The following EPB41L3 variants were observed in gnomAD, a reference collection of about 807,000 sequenced individuals.
EPB41L3 encodes the protein erythrocyte membrane protein band 4.1 like 3, also known as band 4.1-like protein 3.
A neutral mutation model predicts 127.1 loss-of-function variants in EPB41L3; 57 were observed. That is an observed-to-expected ratio of 0.45 (90% CI 0.36 to 0.56). EPB41L3 has a LOEUF of 0.56. EPB41L3 is among the 20% of genes least tolerant of loss of function. The probability of loss-of-function intolerance (pLI) is 0.00; values close to 1 mark genes in which losing one functional copy is unlikely to be tolerated. For synonymous variants in EPB41L3, 572 were observed against 549.5 expected (o/e 1.04, Z -0.57); for missense variants, 1,273 against 1,372.2 (o/e 0.93, Z 1.14).
chr18:5,607,356 CT>C (rs1422911992), intron 3 of EPB41L3, among the ~76,000 whole-genome samples: 1 of 152,202 alleles, frequency 6.6e-6, no homozygotes, highest in African/African-American at 2.4e-5. Context: ...CTCATTCTGG[CT>C]GAGCCCTTCC....
At chr18:5,527,383 C>T (rs2093262721) in intron 1 of EPB41L3, among the ~76,000 whole-genome samples, 1 of 152,100 alleles carries the variant, frequency 6.6e-6, no homozygotes. Flanking sequence ...AAAACCATAC[C>T]TGCTAAATAA....
chr18:5,546,802 T>C (rs1262203798), upstream of EPB41L3, among the ~76,000 whole-genome samples: 1 of 152,310 alleles, frequency 6.6e-6, no homozygotes, highest in African/African-American at 2.4e-5. Context: ...TAGCGATCTC[T>C]TCATTCTTTC....
At chr18:5,585,640 T>C (rs1241978887) in intron 3 of EPB41L3, among the ~76,000 whole-genome samples, 1 of 152,192 alleles carries the variant, frequency 6.6e-6, no homozygotes, top group East Asian at 1.9e-4. Context: ...AAAATTCTAT[T>C]ATGCTTATTT....
intron 13 of EPB41L3, among the ~76,000 whole-genome samples, chr18:5,411,166 T>C (rs1285296196): frequency 6.6e-6 from 1 of 152,218 alleles, no homozygotes; most frequent in Admixed American, 6.5e-5. Flanking sequence ...CTGTCAATTA[T>C]AAAAGGCACA....
chr18:5,509,757 T>G (rs2092419985), intron 1 of EPB41L3, among the ~76,000 whole-genome samples: 1 of 152,244 alleles, frequency 6.6e-6, no homozygotes, highest in African/African-American at 2.4e-5. Flanking sequence ...AATCTATCAT[T>G]CAGTAGTATG....
rs144322253 is a variant in EPB41L3, at chr18:5,553,986, C to T, written c.-306+58354G>A. On this transcript the variant is annotated intron_variant, in intron 3 of 21. Coordinates refer to the EPB41L3 transcript ENST00000545076. ...CTGTGCTTGCTGTTCCTCACACAAC[C>T]AGGTGCACTCTCACCGTCAGCTTTG... 4.1e-3 allele frequency among the ~76,000 whole-genome samples: 632 copies of T among 152,314 alleles called. 3 individuals are homozygous for T. Among genetic ancestry groups the T allele is most frequent in the African/African-American group, 0.015 (607 of 41,560 alleles).
Position 5,516,115 on chromosome 18 carries a change from C to T in EPB41L3, c.-11-26921G>A, listed in dbSNP as rs1008911495. Reference sequence around the variant, plus strand: ...AACAAAAGCCCAGGTGCCGCAGATGCCCTTGATCCAAGCACCACATCCAGA... The same window carrying T: ...AACAAAAGCCCAGGTGCCGCAGATGTCCTTGATCCAAGCACCACATCCAGA... On this transcript the variant is annotated intron_variant, in intron 1 of 22. Transcript: ENST00000341928. Among the ~76,000 whole-genome samples the T allele has an allele frequency of 8.5e-5, 13 of 152,200 alleles. 1 individual carries two copies. The highest frequency in any genetic ancestry group is 3.1e-4 in the African/African-American group (13 of 41,454).
intron 3 of EPB41L3, among the ~76,000 whole-genome samples, chr18:5,549,763 T>C (rs956357394): frequency 3.9e-5 from 6 of 152,104 alleles, no homozygotes; most frequent in African/African-American, 1.4e-4. Context: ...TTGAGAACCA[T>C]TGATCTAGGC....
At chr18:5,559,597 A>G (rs1256501225) in intron 3 of EPB41L3, among the ~76,000 whole-genome samples, 1 of 152,248 alleles carries the variant, frequency 6.6e-6, no homozygotes, top group Non-Finnish European at 1.5e-5. Context: ...CAGTCTTTCT[A>G]AACGAAAATA....
At chr18:5,579,406 A>G (rs1042339860) in intron 3 of EPB41L3, among the ~76,000 whole-genome samples, 3 of 152,224 alleles carry the variant, frequency 2.0e-5, no homozygotes, top group African/African-American at 7.2e-5. Context: ...CTAATAGATA[A>G]GTAAAGAGGA....
chr18:5,559,349 G>GGAGA (rs1389375693), intron 3 of EPB41L3, among the ~76,000 whole-genome samples: 2 of 152,046 alleles, frequency 1.3e-5, no homozygotes, highest in African/African-American at 4.8e-5. Flanking sequence ...AAAGACAAAG[G>GGAGA]GAGAAGTCCT....
At chr18:5,464,338 A>G (rs2084580790) in intron 3 of EPB41L3, among the ~76,000 whole-genome samples, 1 of 152,126 alleles carries the variant, frequency 6.6e-6, no homozygotes, top group Non-Finnish European at 1.5e-5. Flanking sequence ...AATCTGAACC[A>G]CCACTGAGGA....
chr18:5,467,830 T>C (rs1392699487), intron 3 of EPB41L3, among the ~76,000 whole-genome samples: 1 of 152,050 alleles, frequency 6.6e-6, no homozygotes, highest in Non-Finnish European at 1.5e-5. Flanking sequence ...ACACCAGCTG[T>C]AGCAGGGGAG....
At chr18:5,433,798 G>A (rs990368320) in intron 7 of EPB41L3, 105 bp downstream of exon 7, 19 of 1,267,072 alleles carry the variant, frequency 1.5e-5, no homozygotes, top group Admixed American at 6.9e-5. Flanking sequence ...CTATGCTCAC[G>A]TCTCGCCGTT....
At position 5,623,972 on chromosome 18, in the gene EPB41L3, A is replaced by C. The variant is rs560117175; in HGVS notation, c.-468+4950T>G. 2.6e-5 allele frequency among the ~76,000 whole-genome samples: 4 copies of C among 152,154 alleles called. No individual in the cohort carries two copies. The South Asian group carries it at 8.3e-4, about 32-fold the overall frequency. ...TTTTTAATAAAAAAAAATGTATGAGACCATAAGAAATTGAATCTTCTAAAA... is the reference window on the plus strand; with the variant it reads ...TTTTTAATAAAAAAAAATGTATGAGCCCATAAGAAATTGAATCTTCTAAAA... On this transcript the variant is annotated intron_variant, in intron 1 of 21. Coordinates refer to the EPB41L3 transcript ENST00000545076.
intron 1 of EPB41L3, among the ~76,000 whole-genome samples, chr18:5,505,272 C>T (rs1041127584): frequency 2.0e-5 from 3 of 152,136 alleles, no homozygotes; most frequent in Non-Finnish European, 2.9e-5. Context: ...TCCATCCTCC[C>T]AGAGTCTGAC....
At chr18:5,597,882 G>A (rs2094552041) in intron 3 of EPB41L3, among the ~76,000 whole-genome samples, 1 of 152,142 alleles carries the variant, frequency 6.6e-6, no homozygotes, top group South Asian at 2.1e-4. Context: ...AGTAGCACCA[G>A]CCATGGAAAC....
chr18:5,531,725 C>T (rs1259435380), intron 1 of EPB41L3, among the ~76,000 whole-genome samples: 6 of 123,898 alleles, frequency 4.8e-5, no homozygotes, highest in Non-Finnish European at 8.3e-5. Flanking sequence ...GAACAAGACC[C>T]TGTCTCAAAA....
upstream of EPB41L3, chr18:5,544,102 C>A: frequency 3.0e-6 from 3 of 985,736 alleles, no homozygotes; most frequent in Non-Finnish European, 2.4e-6. Flanking sequence ...GGGGCCCACG[C>A]CCAGAGACCG....
Sources: allele counts gnomAD v4.1 joint callset (sites outside exome capture counted in the v4.1 genomes callset), GRCh38; gene constraint gnomAD v4.1.1; transcripts MANE v1.5; gene names NCBI Gene and HGNC (gene_info 2026-07-23, HGNC 2026-07-21).